Variants in TRDN observed in about 807,000 individuals in gnomAD.
TRDN encodes the protein triadin, also known as triadin in skeletal muscle.
In TRDN, 161 loss-of-function variants were observed where a neutral mutation model predicts 149.7. That is an observed-to-expected ratio of 1.08 (90% CI 0.95 to 1.23). TRDN has a LOEUF of 1.23. TRDN is among the 50% of genes most tolerant of loss of function. The pLI, the probability that TRDN is intolerant of heterozygous loss-of-function variation, is 0.00. For missense variants in TRDN, 896 were observed against 823.5 expected, an observed-to-expected ratio of 1.09 and a Z score of -1.08; for synonymous variants, 294 against 250.5, an observed-to-expected ratio of 1.17 and a Z score of -1.64.
intron 22 of TRDN, among the ~76,000 whole-genome samples, chr6:123,334,739 C>G (rs1470120137): frequency 6.6e-6 from 1 of 151,896 alleles, no homozygotes; most frequent in Admixed American, 6.6e-5. Flanking sequence ...CCCTAGAACT[C>G]TATATGTCCT....
intron 9 of TRDN, among the ~76,000 whole-genome samples, chr6:123,487,011 T>C (rs1392863798): frequency 2.6e-5 from 4 of 152,082 alleles, no homozygotes; most frequent in African/African-American, 9.7e-5. Flanking sequence ...TGGTATGTTA[T>C]TTGTTGATGT....
chr6:123,381,126 C>A (rs1237736366), intron 16 of TRDN, among the ~76,000 whole-genome samples: 2 of 151,996 alleles, frequency 1.3e-5, no homozygotes, highest in Admixed American at 6.6e-5. Flanking sequence ...TGATTACAAG[C>A]CCGTCAAGAG....
At chr6:123,618,218 A>G (rs999303818) in intron 1 of TRDN, among the ~76,000 whole-genome samples, 4 of 152,184 alleles carry the variant, frequency 2.6e-5, no homozygotes, top group African/African-American at 7.2e-5. Context: ...CTGTACTTGG[A>G]AGTCCAACAT....
intron 38 of TRDN, among the ~76,000 whole-genome samples, chr6:123,234,511 C>A (rs989351208): frequency 6.6e-6 from 1 of 152,018 alleles, no homozygotes; most frequent in Non-Finnish European, 1.5e-5. Context: ...ATGAAGCACT[C>A]GCTAAATTTT....
intron 5 of TRDN, chr6:123,528,600 CCTAA>C (rs1173455208): frequency 1.4e-5 from 14 of 978,176 alleles, no homozygotes; most frequent in Non-Finnish European, 1.5e-5. Context: ...AACTTAAATT[CCTAA>C]CTATCCATCA....
intron 24 of TRDN, among the ~76,000 whole-genome samples, chr6:123,309,994 A>T (rs1010447605): frequency 6.6e-6 from 1 of 152,100 alleles, no homozygotes; most frequent in African/African-American, 2.4e-5. Context: ...AATTAACTAT[A>T]GTACATATGG....
intron 19 of TRDN, among the ~76,000 whole-genome samples, chr6:123,370,726 C>T (rs1205419831): frequency 2.0e-5 from 3 of 152,120 alleles, no homozygotes; most frequent in Non-Finnish European, 4.4e-5. Flanking sequence ...TAAGCCTATT[C>T]CCTAATTTTG....
At chr6:123,566,223 G>GAA (rs2114519102) in intron 2 of TRDN, among the ~76,000 whole-genome samples, 1 of 152,256 alleles carries the variant, frequency 6.6e-6, no homozygotes, top group South Asian at 2.1e-4. Flanking sequence ...CATTTGATAA[G>GAA]AAGAATCAAA....
chr6:123,325,867 T>A (rs745890936), intron 23 of TRDN, among the ~76,000 whole-genome samples: 1 of 152,106 alleles, frequency 6.6e-6, no homozygotes, highest in Admixed American at 6.6e-5. Flanking sequence ...ACACAACACA[T>A]ACTCCTTCAA....
At position 123,478,592 on chromosome 6, in the gene TRDN, C is replaced by CCTTTGTACTAAAAT. The variant is rs770875600; in HGVS notation, c.854-13610_854-13609insATTTTAGTACAAAG. ...TACGAATTGCGTTTTTATTTTAGTA[C>CCTTTGTACTAAAAT]AAAGACCAAAGCTGATAGGGAAAGA... On this transcript the variant is annotated intron_variant, in intron 9 of 40. Coordinates refer to ENST00000334268, the MANE Select transcript of TRDN (RefSeq NM_006073.4). Among the ~76,000 whole-genome samples, 140 of 152,188 alleles carry CCTTTGTACTAAAAT rather than the reference C, an allele frequency of 9.2e-4. 1 individual carries two copies. Among genetic ancestry groups the CCTTTGTACTAAAAT allele is most frequent in the Non-Finnish European group, 5.7e-4 (39 of 68,002 alleles).
chr6:123,289,014 GGGGTGTGTGTGT>G (rs1777899852), intron 24 of TRDN, among the ~76,000 whole-genome samples: 1 of 96,298 alleles, frequency 1.0e-5, no homozygotes, highest in African/African-American at 3.4e-5. Context: ...AAAAATGTGG[GGGGTGTGTGTGT>G]GTGTGTGTGT....
chr6:123,587,600 C>T (rs1373898593), intron 1 of TRDN, among the ~76,000 whole-genome samples: 1 of 152,068 alleles, frequency 6.6e-6, no homozygotes, highest in South Asian at 2.1e-4. Flanking sequence ...AGTCGCGGCA[C>T]CAAATTTCAT....
intron 20 of TRDN, among the ~76,000 whole-genome samples, chr6:123,365,174 T>C (rs544947140): frequency 4.3e-4 from 66 of 152,296 alleles, no homozygotes; most frequent in African/African-American, 1.3e-3. Context: ...AAAGAGAGCA[T>C]CTATTAATTT....
intron 12 of TRDN, among the ~76,000 whole-genome samples, chr6:123,398,010 T>G (rs950029473): frequency 6.6e-6 from 1 of 152,232 alleles, no homozygotes; most frequent in South Asian, 2.1e-4. Context: ...CTTATTTTCT[T>G]TTATTTCTTT....
chr6:123,468,198 G>C (rs981544444), intron 9 of TRDN, among the ~76,000 whole-genome samples: 7 of 152,172 alleles, frequency 4.6e-5, no homozygotes, highest in Non-Finnish European at 7.4e-5. Flanking sequence ...TTGTAGAAAA[G>C]AGGCTTATAA....
At position 123,255,867 on chromosome 6, in the gene TRDN, C is replaced by T; in HGVS notation, c.1906G>A (p.Val636Ile). Residue 636 changes from valine to isoleucine, a missense_variant and splice_region_variant, in exon 36 of 41, where the codon GTC (valine) becomes ATC (isoleucine). Coordinates refer to ENST00000334268, the MANE Select transcript of TRDN (RefSeq NM_006073.4). The part of the protein sequence containing the change: ...ADMKHLREEK[V>I]STRKESLQLH... ...ATTTTTTATTCTTTTAAAAAATTAC[C>T]TTTTTCTTCTCTAAGATGCTTCATG... 2 of 1,349,288 alleles carry T rather than the reference C, an allele frequency of 1.5e-6. No homozygotes were observed. Among genetic ancestry groups the T allele is most frequent in the Admixed American group, 3.6e-5 (1 of 27,606 alleles). 83.6% of individuals were successfully genotyped at this position (1,349,288 alleles called of 1,614,324 possible).
At chr6:123,503,010 A>C (rs1352440602) in intron 8 of TRDN, 1 of 985,328 alleles carries the variant, frequency 1.0e-6, no homozygotes, top group South Asian at 4.7e-5. Context: ...GCAACCTTCC[A>C]TAAAATAAAA....
At chr6:123,512,799 G>C (rs1779244205) in intron 6 of TRDN, among the ~76,000 whole-genome samples, 1 of 151,912 alleles carries the variant, frequency 6.6e-6, no homozygotes, top group South Asian at 2.1e-4. Context: ...GAATAACAAT[G>C]GTAATTAAAC....
intron 2 of TRDN, among the ~76,000 whole-genome samples, chr6:123,570,145 A>T (rs1418534437): frequency 6.6e-6 from 1 of 152,164 alleles, no homozygotes; most frequent in African/African-American, 2.4e-5. Context: ...TGTTGGAGAA[A>T]GAAAAAAGGG....
Sources: gnomAD v4.1 joint callset for allele counts (sites outside exome capture counted in the v4.1 genomes callset) on GRCh38, gnomAD v4.1.1 for gene constraint, MANE v1.5 for transcripts, NCBI Gene and HGNC (gene_info 2026-07-23, HGNC 2026-07-21) for gene names.